The following WTIP variants were observed in gnomAD, a reference collection of about 807,000 sequenced individuals.
The protein encoded by WTIP is WT1 interacting protein.
In WTIP, 23 loss-of-function variants were observed where a neutral mutation model predicts 41.7. The ratio of observed to expected loss-of-function variants is 0.55; its 90% CI spans 0.40 to 0.78. The LOEUF is 0.78. WTIP is among the 30% of genes least tolerant of loss of function. The pLI is 0.00. For synonymous variants in WTIP, 314 were observed against 269.9 expected (o/e 1.16, Z -1.60); for missense variants, 619 against 610.5 (o/e 1.01, Z -0.15).
rs2075772415 is a variant in WTIP, at chr19:34,482,413, C to T, written c.439C>T (p.Leu147Phe). ...CAGCGCCCGCTCCAGCGTTTCCAGC[C>T]TCGGCTCCCGGGGCTCGGCCGGCGC... ...VGSARSSVSS[L>F]GSRGSAGAYA... The change falls in exon 1 of 8, where the codon CTC becomes TTC. Residue 147 changes from leucine to phenylalanine, a missense_variant. Transcript: ENST00000590071. 1 of 1,362,432 alleles carries T rather than the reference C, an allele frequency of 7.3e-7. No homozygotes were observed. The highest frequency in any genetic ancestry group is 1.5e-5 in the South Asian group (1 of 64,630). 84.4% of individuals were successfully genotyped at this position (1,362,432 alleles called of 1,614,324 possible). A position where few individuals can be genotyped will look rare whatever the true frequency, so the allele number is the denominator to read the frequency against.
In WTIP at chr19:34,511,628, T is replaced by C. The variant is rs535650301; in HGVS notation, c.*11359T>C. 6.6e-6 allele frequency: 1 copy of C among 152,332 alleles called. No individual in the cohort carries two copies. Among genetic ancestry groups the C allele is most frequent in the East Asian group, 1.9e-4 (1 of 5,188 alleles). 9.4% of individuals were successfully genotyped at this position (152,332 alleles called of 1,614,324 possible). On this transcript the variant is annotated 3_prime_UTR_variant, in exon 8 of 8. Transcript: ENST00000590071. ...CCACTAGAACATCTGTGCCAAGCAG[T>C]GTTCCCATCAATCATAGGAAAATAC...
chr19:34,510,268 G>A lies in WTIP; in HGVS notation c.*9999G>A, dbSNP rs2075928287. ...TTCATACATCTTCTGAAATCTAGAT[G>A]GAGGTTCCCAAACCTCAATTCTTGA... is the stretch of plus-strand genomic sequence containing the variant. On this transcript the variant is annotated 3_prime_UTR_variant, in exon 8 of 8. Coordinates refer to ENST00000590071, the MANE Select transcript of WTIP (RefSeq NM_001080436.2). The A allele has an allele frequency of 6.6e-6, 1 of 152,208 alleles. No homozygotes were observed. The highest frequency in any genetic ancestry group is 1.5e-5 in the Non-Finnish European group (1 of 68,042). 9.4% of individuals were successfully genotyped at this position (152,208 alleles called of 1,614,324 possible).
intron 7 of WTIP, among the ~76,000 whole-genome samples, chr19:34,496,267 C>T (rs1401155079): frequency 6.6e-6 from 1 of 152,210 alleles, no homozygotes; most frequent in Non-Finnish European, 1.5e-5. Flanking sequence ...AACCTCCTGG[C>T]TCAAGCTATC....
rs1315710856 is a variant in WTIP at position 34,506,573 on chromosome 19, A to G, written c.*6304A>G. The G allele has an allele frequency of 6.6e-6, 1 of 151,898 alleles. No individual in the cohort carries two copies. Among genetic ancestry groups the G allele is most frequent in the Non-Finnish European group, 1.5e-5 (1 of 68,008 alleles). The allele number at this position is 151,898 out of a possible 1,614,324, so 9.4% of individuals were successfully genotyped here. On this transcript the variant is annotated 3_prime_UTR_variant, in exon 8 of 8. Coordinates refer to ENST00000590071, the MANE Select transcript of WTIP (RefSeq NM_001080436.2). Reference sequence around the variant, plus strand: ...GGAGTTCGAGACAATCCTGGCCAACATGGCGAAACCCCGTCTCTACTAAAA... The same window carrying G: ...GGAGTTCGAGACAATCCTGGCCAACGTGGCGAAACCCCGTCTCTACTAAAA...
chr19:34,500,342 C>T lies in WTIP; in HGVS notation c.*73C>T. On this transcript the variant is annotated 3_prime_UTR_variant, in exon 8 of 8. Coordinates refer to ENST00000590071, the MANE Select transcript of WTIP (RefSeq NM_001080436.2). ...GAGGGCCCGCGTGGGTGGCCCTGGT[C>T]AGCGTCAGGGGAGCTCCCTCCAATC... The T allele has an allele frequency of 1.4e-6, 2 of 1,458,434 alleles. No homozygotes were observed. The highest frequency in any genetic ancestry group is 1.4e-5 in the South Asian group (1 of 70,940). The allele number at this position is 1,458,434 out of a possible 1,614,324, so 90.3% of individuals were successfully genotyped here.
At chr19:34,492,346 C>A (rs2075829701) in intron 2 of WTIP, among the ~76,000 whole-genome samples, 1 of 148,610 alleles carries the variant, frequency 6.7e-6, no homozygotes. Flanking sequence ...AACTCCTGGG[C>A]TCAAGCGATG....
rs373987343 is a variant in WTIP, at chr19:34,500,135, G to A, written c.1159G>A (p.Gly387Arg). 3.8e-6 allele frequency: 6 copies of A among 1,599,818 alleles called. No individual in the cohort carries two copies. The highest frequency in any genetic ancestry group is 2.2e-5 in the South Asian group (2 of 90,982). The change falls in exon 8 of 8, where the codon GGG (glycine) becomes AGG (arginine). Residue 387 changes from glycine to arginine, a missense_variant. Around this residue, in one of 3 missense-constraint regions of WTIP, gnomAD observed 92 missense variants for 82.4 expected, o/e 1.12. Transcript: ENST00000590071. ...HVACYHCEDC[G>R]LQLSGEEGRR... ...GGGCTGTGTTCTTCCCTAGGACTGCGGGCTGCAGCTGAGCGGGGAGGAGGG... is the reference window on the plus strand; with the variant it reads ...GGGCTGTGTTCTTCCCTAGGACTGCAGGCTGCAGCTGAGCGGGGAGGAGGG...
chr19:34,499,033 A>G (rs2075870598), intron 7 of WTIP, among the ~76,000 whole-genome samples: 2 of 151,646 alleles, frequency 1.3e-5, no homozygotes, highest in African/African-American at 4.9e-5. Context: ...GCATAGCAAG[A>G]CGCCATGTCT....
intron 7 of WTIP, among the ~76,000 whole-genome samples, chr19:34,499,824 C>T (rs1379752497): frequency 6.6e-6 from 1 of 152,028 alleles, no homozygotes. Context: ...CTCAGCCTCC[C>T]AAGGAGCTGG....
rs990099101 is a variant in WTIP at position 34,482,194 on chromosome 19, C to T, written c.220C>T (p.Arg74Trp). 53 of 1,109,420 alleles carry T rather than the reference C, an allele frequency of 4.8e-5. No individual in the cohort carries two copies. The highest frequency in any genetic ancestry group is 1.0e-4 in the Admixed American group (2 of 19,664). The allele number at this position is 1,109,420 out of a possible 1,614,324, so 68.7% of individuals were successfully genotyped here. A position where few individuals can be genotyped will look rare whatever the true frequency, so the allele number is the denominator to read the frequency against. Residue 74 changes from arginine (R) to tryptophan (W), a missense_variant, in exon 1 of 8, where the codon CGG becomes TGG. Coordinates refer to ENST00000590071, the MANE Select transcript of WTIP (RefSeq NM_001080436.2). ...DGLSRGERGPRRAAVPELSAQ... is the reference protein window; with the variant it reads ...DGLSRGERGPWRAAVPELSAQ... ...ACTGAGCCGCGGGGAGCGGGGTCCC[C>T]GGCGCGCGGCGGTTCCGGAGCTCAG...
chr19:34,483,162 G>A (rs2075778899), intron 1 of WTIP, among the ~76,000 whole-genome samples: 1 of 144,782 alleles, frequency 6.9e-6, no homozygotes, highest in Non-Finnish European at 1.5e-5. Context: ...ACACCACCAT[G>A]CCCAGCTTTT....
rs2075881980 is a variant in WTIP, at chr19:34,500,825, A to T, written c.*556A>T. The T allele has an allele frequency of 6.5e-6, 1 of 152,770 alleles. No homozygotes were observed. Among genetic ancestry groups the T allele is most frequent in the Non-Finnish European group, 1.5e-5 (1 of 68,490 alleles). The allele number at this position is 152,770 out of a possible 1,614,324, so 9.5% of individuals were successfully genotyped here. On this transcript the variant is annotated 3_prime_UTR_variant, in exon 8 of 8. Coordinates refer to ENST00000590071, the MANE Select transcript of WTIP (RefSeq NM_001080436.2). ...GGGGTGAGGGGTGACACCCTTGGGG[A>T]GGGGGCCTGCAAAGGGCACTGCCTG...
rs1256158609 is a variant in WTIP at position 34,506,834 on chromosome 19, T to C, written c.*6565T>C. 2 of 152,112 alleles carry C rather than the reference T, an allele frequency of 1.3e-5. No homozygotes were observed. The highest frequency in any genetic ancestry group is 6.5e-5 in the Admixed American group (1 of 15,274). The allele number at this position is 152,112 out of a possible 1,614,324, so 9.4% of individuals were successfully genotyped here. On this transcript the variant is annotated 3_prime_UTR_variant, in exon 8 of 8. Coordinates refer to ENST00000590071, the MANE Select transcript of WTIP (RefSeq NM_001080436.2). ...AAACTGGTTAAAAATTGAGTCTCCC[T>C]GAAGTAGGTGCTCTTTCCCGTGAAA...
At chr19:34,496,028 G>T (rs896288740) in intron 7 of WTIP, among the ~76,000 whole-genome samples, 1 of 152,096 alleles carries the variant, frequency 6.6e-6, no homozygotes, top group South Asian at 2.1e-4. Flanking sequence ...GTGGTGGCGG[G>T]CACCTGTAGT....
intron 7 of WTIP, 85 bp downstream of exon 7, chr19:34,495,856 C>G: frequency 7.0e-7 from 1 of 1,436,056 alleles, no homozygotes. Context: ...GTGGGCTTAC[C>G]TTATCAAAAT....
intron 1 of WTIP, among the ~76,000 whole-genome samples, chr19:34,488,069 T>C (rs1271424850): frequency 6.6e-6 from 1 of 151,888 alleles, no homozygotes; most frequent in East Asian, 1.9e-4. Flanking sequence ...CATGTCTGTC[T>C]GCTTCCTTTT....
At chr19:34,487,353 C>T (rs1158303881) in intron 1 of WTIP, among the ~76,000 whole-genome samples, 1 of 152,106 alleles carries the variant, frequency 6.6e-6, no homozygotes, top group Non-Finnish European at 1.5e-5. Context: ...CAACCCTCCT[C>T]GGCCTCCGAA....
At position 34,481,918 on chromosome 19, in the gene WTIP, G is replaced by T. The variant is rs2075768351; in HGVS notation, c.-57G>T. On this transcript the variant is annotated 5_prime_UTR_variant, in exon 1 of 8. Transcript: ENST00000590071. ...GGGCGGACGATGCGGCGGCCCGGCC[G>T]GAGCGGCGGCGGGAAGCGGAGGCGG... 1 of 963,040 alleles carries T rather than the reference G, an allele frequency of 1.0e-6. No homozygotes were observed. Among genetic ancestry groups the T allele is most frequent in the African/African-American group, 1.8e-5 (1 of 56,494 alleles). 59.7% of individuals were successfully genotyped at this position (963,040 alleles called of 1,614,324 possible). A position where few individuals can be genotyped will look rare whatever the true frequency, so the allele number is the denominator to read the frequency against.
rs771834191 is a variant in WTIP at position 34,493,316 on chromosome 19, C to T, written c.891C>T (p.Ile297=). ...ADKCSVCGHL[I]MEMILQALGK... ...AATGCAGCGTGTGTGGACATCTCATCATGGAAATGGTGAGCCCCTGCCCCA... is the reference window on the plus strand; with the variant it reads ...AATGCAGCGTGTGTGGACATCTCATTATGGAAATGGTGAGCCCCTGCCCCA... The change falls in exon 4 of 8, where the codon ATC becomes ATT. Residue 297 remains isoleucine (I), a synonymous_variant. Transcript: ENST00000590071. This position sits in a 1 kb window ranked among gnomAD's most constrained non-coding sequence, Gnocchi z 4.1. 6.8e-6 allele frequency: 11 copies of T among 1,612,920 alleles called. No individual in the cohort carries two copies. The South Asian group carries it at 8.8e-5, about 13-fold the overall frequency.
Sources: allele counts gnomAD v4.1 joint callset (sites outside exome capture counted in the v4.1 genomes callset), GRCh38; gene constraint gnomAD v4.1.1; regional missense constraint gnomAD v4.1.1; non-coding constraint Gnocchi (gnomAD v3.1); transcripts MANE v1.5; gene names NCBI Gene and HGNC (gene_info 2026-07-23, HGNC 2026-07-21).